Variants in PIWIL1 observed in about 807,000 individuals in gnomAD.
The protein encoded by PIWIL1 is piwi like RNA-mediated gene silencing 1.
PIWIL1 carries 73 observed loss-of-function variants against 114.4 expected under a neutral mutation model. That is an observed-to-expected ratio of 0.64 (90% CI 0.53 to 0.78). The LOEUF is 0.78. Among genes scored for constraint, PIWIL1 ranks in the 30% least tolerant of loss-of-function variants. The probability of loss-of-function intolerance (pLI) is 0.00; values close to 1 mark genes in which losing one functional copy is unlikely to be tolerated. For synonymous variants in PIWIL1, 375 were observed against 369.0 expected (o/e 1.02, Z -0.19); for missense variants, 723 against 1,063.1 (o/e 0.68, Z 4.45).
At chr12:130,372,597 C>CAAAAAAAAA (rs60262232) in exon 21 of PIWIL1, 7 of 67,914 alleles carry the variant, frequency 1.0e-4, 1 homozygote, top group East Asian at 5.5e-4. Context: ...GACTCCGTCT[C>CAAAAAAAAA]AAAAAAAAAA....
chr12:130,390,017 G>T, the PIWIL1 span, among the ~76,000 whole-genome samples: 541 of 152,274 alleles, frequency 3.6e-3, 4 homozygotes, highest in African/African-American at 0.012. Flanking sequence ...AATTTACCAT[G>T]TTGTTGGAAA....
the PIWIL1 span, among the ~76,000 whole-genome samples, chr12:130,423,656 CAAAAA>C: frequency 8.0e-5 from 4 of 50,130 alleles, no homozygotes; most frequent in African/African-American, 2.4e-4. Context: ...AAACAATATG[CAAAAA>C]AAAAAAAAAA....
chr12:130,365,502 G>T (rs573775825), intron 18 of PIWIL1, among the ~76,000 whole-genome samples: 1 of 152,278 alleles, frequency 6.6e-6, no homozygotes, highest in South Asian at 2.1e-4. Context: ...GCAAAGTTTG[G>T]ACTTCAATGT....
At chr12:130,399,695 C>G in the PIWIL1 span, 1 of 1,613,274 alleles carries the variant, frequency 6.2e-7, no homozygotes, top group Non-Finnish European at 8.5e-7. Context: ...TGCCTTTGAG[C>G]GCATTGGCGT....
chr12:130,353,680 A>AGGGAGG lies in PIWIL1; in HGVS notation c.1045-857_1045-856insGGGAGG, dbSNP rs1238124803. On this transcript the variant is annotated intron_variant, in intron 9 of 20. Coordinates refer to ENST00000245255, the MANE Select transcript of PIWIL1 (RefSeq NM_004764.5). Reference sequence around the variant, plus strand: ...CGTGACTCACGCCTCTAATCCTAGCACTTTGGGAGGCTAAGGCAGGCAGAT... The same window carrying AGGGAGG: ...CGTGACTCACGCCTCTAATCCTAGCAGGGAGGCTTTGGGAGGCTAAGGCAGGCAGAT... Among the ~76,000 whole-genome samples the AGGGAGG allele has an allele frequency of 3.3e-5, 5 of 152,234 alleles. No individual in the cohort carries two copies. In the East Asian group the frequency reaches 9.7e-4, roughly 29 times the overall value.
downstream of PIWIL1, among the ~76,000 whole-genome samples, chr12:130,374,469 CTG>C (rs964840830): frequency 6.6e-6 from 1 of 152,164 alleles, no homozygotes; most frequent in Non-Finnish European, 1.5e-5. Flanking sequence ...AATAGAGAAA[CTG>C]TAAAATTTTC....
the PIWIL1 span, chr12:130,412,473 G>T: frequency 2.5e-6 from 2 of 786,706 alleles, no homozygotes; most frequent in Non-Finnish European, 2.0e-6. Flanking sequence ...TTTTGCCCAA[G>T]AAAAATCACT....
At chr12:130,416,115 A>C in the PIWIL1 span, among the ~76,000 whole-genome samples, 3 of 152,084 alleles carry the variant, frequency 2.0e-5, no homozygotes, top group African/African-American at 7.2e-5. Flanking sequence ...TTCCATGCTC[A>C]TGGGTTAGAA....
the PIWIL1 span, among the ~76,000 whole-genome samples, chr12:130,418,276 C>G: frequency 6.6e-6 from 1 of 152,184 alleles, no homozygotes; most frequent in African/African-American, 2.4e-5. Flanking sequence ...TCCACAGCAG[C>G]CTTCATTAAT....
At chr12:130,367,999 C>G (rs67383084) in intron 19 of PIWIL1, among the ~76,000 whole-genome samples, 2 of 152,122 alleles carry the variant, frequency 1.3e-5, no homozygotes, top group African/African-American at 4.8e-5. Context: ...GGTTTCACCA[C>G]GATGGCCAGG....
chr12:130,346,673 C>T (rs894499111), intron 5 of PIWIL1, 89 bp downstream of exon 5: 5 of 1,062,588 alleles, frequency 4.7e-6, no homozygotes, highest in African/African-American at 1.6e-5. Flanking sequence ...TAGAGAGGCC[C>T]CAGGAGTCTC....
At chr12:130,419,714 G>A in the PIWIL1 span, 1 of 152,324 alleles carries the variant, frequency 6.6e-6, no homozygotes, top group East Asian at 1.9e-4. The surrounding 1 kb of genome is among the most constrained non-coding windows in gnomAD (Gnocchi z 4.3). Context: ...AGAATACAGA[G>A]GAGATATTCA....
At chr12:130,391,618 G>C in the PIWIL1 span, among the ~76,000 whole-genome samples, 6,642 of 152,278 alleles carry the variant, frequency 0.044, 196 homozygotes, top group Middle Eastern at 0.085. Context: ...AATAGGGATT[G>C]TGAAGTGCGG....
At chr12:130,422,005 G>A in the PIWIL1 span, among the ~76,000 whole-genome samples, 781 of 152,304 alleles carry the variant, frequency 5.1e-3, 3 homozygotes, top group South Asian at 0.013. This position sits in a 1 kb window ranked among gnomAD's most constrained non-coding sequence, Gnocchi z 5.2. Flanking sequence ...TCAGCTGCAC[G>A]GTGTCCCCCA....
chr12:130,415,563 A>C, the PIWIL1 span, among the ~76,000 whole-genome samples: 738 of 152,324 alleles, frequency 4.8e-3, 9 homozygotes, highest in African/African-American at 0.017. Context: ...GTCAGGCAAG[A>C]GAAAGAAATA....
chr12:130,411,154 C>T, the PIWIL1 span, among the ~76,000 whole-genome samples: 1 of 152,162 alleles, frequency 6.6e-6, no homozygotes, highest in African/African-American at 2.4e-5. Flanking sequence ...ATTTTCATTG[C>T]TCACATATGG....
At chr12:130,409,130 T>C in the PIWIL1 span, among the ~76,000 whole-genome samples, 6 of 152,132 alleles carry the variant, frequency 3.9e-5, no homozygotes, top group Non-Finnish European at 8.8e-5. Context: ...CAAACTTACA[T>C]ACACGAAGGC....
chr12:130,403,753 G>C, the PIWIL1 span, among the ~76,000 whole-genome samples: 1 of 151,932 alleles, frequency 6.6e-6, no homozygotes, highest in East Asian at 1.9e-4. Flanking sequence ...CTACAACAAA[G>C]GTATTCCAAT....
At chr12:130,406,759 G>A in the PIWIL1 span, among the ~76,000 whole-genome samples, 1 of 152,156 alleles carries the variant, frequency 6.6e-6, no homozygotes, top group Non-Finnish European at 1.5e-5. Flanking sequence ...CAATTGTTCT[G>A]CCTCAGCCTC....
Sources: allele counts gnomAD v4.1 joint callset (sites outside exome capture counted in the v4.1 genomes callset), GRCh38; gene constraint gnomAD v4.1.1; non-coding constraint Gnocchi (gnomAD v3.1); transcripts MANE v1.5; gene names NCBI Gene and HGNC (gene_info 2026-07-23, HGNC 2026-07-21).